Variants in SENP5 observed in about 807,000 individuals in gnomAD.
The protein encoded by SENP5 is SUMO specific peptidase 5.
In SENP5, 21 loss-of-function variants were observed where a neutral mutation model predicts 74.2. The ratio of observed to expected loss-of-function variants is 0.28; its 90% CI spans 0.20 to 0.41. The LOEUF is 0.41. Ranked by LOEUF, SENP5 falls within the 10% of genes least tolerant of loss-of-function variation. SENP5 has a pLI of 1.00. For missense variants in SENP5, 717 were observed against 889.1 expected, an observed-to-expected ratio of 0.81 and a Z score of 2.46; for synonymous variants, 311 against 312.7, an observed-to-expected ratio of 0.99 and a Z score of 0.06.
At chr3:196,922,606 A>G (rs544344593) in intron 6 of SENP5, among the ~76,000 whole-genome samples, 17 of 152,014 alleles carry the variant, frequency 1.1e-4, no homozygotes, top group African/African-American at 4.1e-4. Flanking sequence ...GCACCACCAC[A>G]CCTGGCTGAT....
At chr3:196,904,287 A>G (rs1460796509) in intron 6 of SENP5, among the ~76,000 whole-genome samples, 2 of 152,212 alleles carry the variant, frequency 1.3e-5, no homozygotes, top group Non-Finnish European at 2.9e-5. Context: ...GCCTCTTTGA[A>G]GAGATCCCAT....
intron 2 of SENP5, among the ~76,000 whole-genome samples, chr3:196,894,868 G>A (rs760607371): frequency 2.0e-5 from 3 of 152,102 alleles, no homozygotes; most frequent in Non-Finnish European, 2.9e-5. Flanking sequence ...ACTTGTTGTT[G>A]CATTATATTT....
chr3:196,924,186 TG>T (rs1199058993), intron 7 of SENP5, among the ~76,000 whole-genome samples: 1 of 152,196 alleles, frequency 6.6e-6, no homozygotes, highest in African/African-American at 2.4e-5. Context: ...GAAAATGTTA[TG>T]TTCACAGAGT....
chr3:196,897,622 A>G (rs1714496777), intron 2 of SENP5, among the ~76,000 whole-genome samples: 1 of 152,010 alleles, frequency 6.6e-6, no homozygotes. Context: ...TTCCCAAGAC[A>G]CTCTTATCAT....
At position 196,933,605 on chromosome 3, in the gene SENP5, T is replaced by G. The variant is rs1716129820; in HGVS notation, c.*2682T>G. 1 of 151,714 alleles carries G rather than the reference T, an allele frequency of 6.6e-6. No individual in the cohort carries two copies. The highest frequency in any genetic ancestry group is 2.4e-5 in the African/African-American group (1 of 40,966). 9.4% of individuals were successfully genotyped at this position (151,714 alleles called of 1,614,324 possible). Reference sequence around the variant, plus strand: ...GTGCCCATGAGGTAGGCAGACCTTATGCTTTTTTTTTTTGAGACGGAGTCT... The same window carrying G: ...GTGCCCATGAGGTAGGCAGACCTTAGGCTTTTTTTTTTTGAGACGGAGTCT... On this transcript the variant is annotated 3_prime_UTR_variant, in exon 10 of 10. Transcript: ENST00000323460.
At chr3:196,889,919 C>T (rs534320286) in intron 2 of SENP5, among the ~76,000 whole-genome samples, 1 of 152,284 alleles carries the variant, frequency 6.6e-6, no homozygotes, top group South Asian at 2.1e-4. Flanking sequence ...GGGAATCTCT[C>T]CCTGCCTGTG....
chr3:196,896,368 G>T (rs1003693396), intron 2 of SENP5, among the ~76,000 whole-genome samples: 9 of 152,184 alleles, frequency 5.9e-5, no homozygotes, highest in Admixed American at 1.3e-4. Flanking sequence ...CTACAATCAG[G>T]ATCTTAGTTC....
chr3:196,875,596 C>A (rs934269554), intron 1 of SENP5, among the ~76,000 whole-genome samples: 1 of 152,146 alleles, frequency 6.6e-6, no homozygotes, highest in Non-Finnish European at 1.5e-5. Flanking sequence ...TTCCTAGGAA[C>A]TCTTGCTCAT....
intron 2 of SENP5, among the ~76,000 whole-genome samples, chr3:196,887,400 G>T (rs1356909947): frequency 1.3e-5 from 2 of 151,792 alleles, no homozygotes; most frequent in African/African-American, 4.8e-5. Context: ...GGCTGGTCTC[G>T]ACCTCCTGAC....
intron 6 of SENP5, chr3:196,913,433 G>A (rs763800618): frequency 2.6e-5 from 4 of 151,584 alleles, no homozygotes; most frequent in Non-Finnish European, 5.9e-5. Context: ...AGCTGGGTGT[G>A]GTGGTGTGCG....
Position 196,931,240 on chromosome 3 carries a change from C to T in SENP5, c.*317C>T, listed in dbSNP as rs1716028005. The T allele has an allele frequency of 9.6e-6, 2 of 208,336 alleles. No homozygotes were observed. 12.9% of individuals were successfully genotyped at this position (208,336 alleles called of 1,614,324 possible). Reference sequence around the variant, plus strand: ...AAAAAAAAGCTTAGTAGATTTGGTGCAGCTTTTGAAACTTAGTTAGACGTG... The same window carrying T: ...AAAAAAAAGCTTAGTAGATTTGGTGTAGCTTTTGAAACTTAGTTAGACGTG... On this transcript the variant is annotated 3_prime_UTR_variant, in exon 10 of 10. Transcript: ENST00000323460.
chr3:196,902,031 A>G (rs1714721904), intron 5 of SENP5, among the ~76,000 whole-genome samples: 1 of 152,234 alleles, frequency 6.6e-6, no homozygotes, highest in Non-Finnish European at 1.5e-5. Flanking sequence ...TCTCTAGATG[A>G]TTCTGATGGA....
At chr3:196,893,583 T>G (rs1377876427) in intron 2 of SENP5, among the ~76,000 whole-genome samples, 1 of 152,020 alleles carries the variant, frequency 6.6e-6, no homozygotes, top group Non-Finnish European at 1.5e-5. Flanking sequence ...GAACTGTCCA[T>G]GATATAGTGA....
At chr3:196,868,880 A>ATGTTTTTTTTTGTT (rs1553816678) in intron 1 of SENP5, among the ~76,000 whole-genome samples, 25 of 142,320 alleles carry the variant, frequency 1.8e-4, no homozygotes, top group African/African-American at 3.4e-4. Flanking sequence ...GTTCCTACTT[A>ATGTTTTTTTTTGTT]TGTTTTTTTT....
At position 196,919,413 on chromosome 3, in the gene SENP5, G is replaced by A. The variant is rs569809590; in HGVS notation, c.1885-4001G>A. ...GAAGAATCGCTTGAACCCTAGCAGC[G>A]GAGGTTTTGTTGAGCCAAGATTGCA... On this transcript the variant is annotated intron_variant, in intron 6 of 9. Coordinates refer to ENST00000323460, the MANE Select transcript of SENP5 (RefSeq NM_152699.5). Among the ~76,000 whole-genome samples, 477 of 152,286 alleles carry A rather than the reference G, an allele frequency of 3.1e-3. 4 individuals carry two copies. Among genetic ancestry groups the A allele is most frequent in the African/African-American group, 0.011 (442 of 41,552 alleles).
At chr3:196,877,335 C>G (rs1243298000) in intron 1 of SENP5, among the ~76,000 whole-genome samples, 1 of 152,052 alleles carries the variant, frequency 6.6e-6, no homozygotes, top group African/African-American at 2.4e-5. Flanking sequence ...TGGTGCCCAC[C>G]ACCACACACG....
intron 1 of SENP5, among the ~76,000 whole-genome samples, chr3:196,872,547 T>TCTCAA (rs1713262537): frequency 6.6e-6 from 1 of 152,160 alleles, no homozygotes; most frequent in African/African-American, 2.4e-5. Flanking sequence ...ATGACCTCAT[T>TCTCAA]CTCAACTGGA....
chr3:196,895,506 T>TA (rs1553821896), intron 2 of SENP5, among the ~76,000 whole-genome samples: 43 of 151,984 alleles, frequency 2.8e-4, no homozygotes, highest in South Asian at 1.5e-3. Flanking sequence ...TTCTTTTTTT[T>TA]AAAAAGTTCT....
chr3:196,873,589 C>G (rs1299860778), intron 1 of SENP5, among the ~76,000 whole-genome samples: 1 of 151,802 alleles, frequency 6.6e-6, no homozygotes, highest in Non-Finnish European at 1.5e-5. Context: ...GCCTGTAATC[C>G]CAGCACTTTG....
Sources: allele counts gnomAD v4.1 joint callset (sites outside exome capture counted in the v4.1 genomes callset), GRCh38; gene constraint gnomAD v4.1.1; transcripts MANE v1.5; gene names NCBI Gene and HGNC (gene_info 2026-07-23, HGNC 2026-07-21).